RBFOX1: variants seen among roughly 807,000 people sequenced by gnomAD.
RBFOX1 encodes RNA binding protein fox-1 homolog 1.
In RBFOX1, 8 loss-of-function variants were observed where a neutral mutation model predicts 57.7. The observed-to-expected ratio is 0.14, with a 90% CI of 0.08 to 0.25. RBFOX1 has a LOEUF of 0.25. Ranked by LOEUF, RBFOX1 falls within the 10% of genes least tolerant of loss-of-function variation. The pLI, the probability that RBFOX1 is intolerant of heterozygous loss-of-function variation, is 1.00. For synonymous variants in RBFOX1, 326 were observed against 222.4 expected (o/e 1.47, Z -4.15); for missense variants, 611 against 548.5 (o/e 1.11, Z -1.14).
At chr16:6,589,534 A>G (rs1485252653) in intron 2 of RBFOX1, among the ~76,000 whole-genome samples, 1 of 152,208 alleles carries the variant, frequency 6.6e-6, no homozygotes, top group Non-Finnish European at 1.5e-5. Context: ...TCAAGTGCAG[A>G]GTCTGCAAAA....
chr16:6,100,155 G>T (rs556711088), intron 1 of RBFOX1, among the ~76,000 whole-genome samples: 117 of 150,244 alleles, frequency 7.8e-4, no homozygotes, highest in African/African-American at 2.7e-3. Flanking sequence ...TTTTGTTGTT[G>T]TTTTTTTTTG....
chr16:6,793,960 G>A (rs187563114), intron 3 of RBFOX1, among the ~76,000 whole-genome samples: 116 of 152,238 alleles, frequency 7.6e-4, no homozygotes, highest in Admixed American at 2.0e-3. Context: ...CAAGAGGGTG[G>A]TAATACAGCA....
At chr16:6,130,485 G>A (rs2096621951) in intron 1 of RBFOX1, among the ~76,000 whole-genome samples, 1 of 152,110 alleles carries the variant, frequency 6.6e-6, no homozygotes, top group Non-Finnish European at 1.5e-5. Flanking sequence ...TGAAACATAT[G>A]GATGTGAAAA....
chr16:6,922,661 G>A (rs920121622), intron 3 of RBFOX1, among the ~76,000 whole-genome samples: 1 of 149,644 alleles, frequency 6.7e-6, no homozygotes, highest in Non-Finnish European at 1.5e-5. Context: ...GCCAGGTGAG[G>A]GTGGAGTAAA....
At chr16:6,818,763 G>C (rs1439336498) in intron 3 of RBFOX1, among the ~76,000 whole-genome samples, 2 of 152,172 alleles carry the variant, frequency 1.3e-5, no homozygotes, top group African/African-American at 4.8e-5. Flanking sequence ...ACAAGGGGGA[G>C]TGTGATCGAG....
chr16:6,999,612 G>A (rs1237187962), intron 3 of RBFOX1, among the ~76,000 whole-genome samples: 2 of 151,934 alleles, frequency 1.3e-5, no homozygotes, highest in East Asian at 3.9e-4. Flanking sequence ...CTACCAATAT[G>A]TGGCCAAACT....
At chr16:6,892,767 CCTGTCTCCCT>C (rs1312870909) in intron 3 of RBFOX1, among the ~76,000 whole-genome samples, 1 of 89,136 alleles carries the variant, frequency 1.1e-5, no homozygotes, top group South Asian at 4.8e-4. Context: ...TCAAAGCCTC[CCTGTCTCCCT>C]CTCTCTCTCT....
At chr16:7,504,947 T>C (rs2072724339) in intron 4 of RBFOX1, among the ~76,000 whole-genome samples, 1 of 149,470 alleles carries the variant, frequency 6.7e-6, no homozygotes, top group African/African-American at 2.5e-5. Context: ...GGTGAAGCCC[T>C]ACGCAGCATG....
At chr16:6,590,302 G>A (rs575116941) in intron 2 of RBFOX1, among the ~76,000 whole-genome samples, 5 of 152,232 alleles carry the variant, frequency 3.3e-5, no homozygotes, top group African/African-American at 1.2e-4. Context: ...AAAGTCCTTA[G>A]CCAAATGGCC....
intron 4 of RBFOX1, among the ~76,000 whole-genome samples, chr16:7,130,674 A>G (rs778284618): frequency 3.5e-4 from 54 of 152,228 alleles, no homozygotes; most frequent in Non-Finnish European, 6.3e-4. Flanking sequence ...CTTGATAAAT[A>G]TAAGACTATA....
chr16:7,181,241 G>T (rs530391102), intron 4 of RBFOX1, among the ~76,000 whole-genome samples: 1 of 152,080 alleles, frequency 6.6e-6, no homozygotes, highest in Admixed American at 6.6e-5. Flanking sequence ...GCTATGCCCC[G>T]ATGAGCATGG....
chr16:6,377,788 A>G (rs1052979177), intron 2 of RBFOX1, among the ~76,000 whole-genome samples: 3 of 152,244 alleles, frequency 2.0e-5, no homozygotes, highest in African/African-American at 7.2e-5. Context: ...AATTTTAGAT[A>G]GAGGCGGTAA....
chr16:5,289,898 T>C (rs2063492489), intron 1 of RBFOX1, among the ~76,000 whole-genome samples: 1 of 152,240 alleles, frequency 6.6e-6, no homozygotes, highest in Non-Finnish European at 1.5e-5. Flanking sequence ...TGAAAATATA[T>C]GTCCATGCAG....
intron 4 of RBFOX1, among the ~76,000 whole-genome samples, chr16:7,392,400 C>T (rs2098047457): frequency 6.6e-6 from 1 of 152,124 alleles, no homozygotes. Context: ...TGAGGAAATG[C>T]CTTGGTCATC....
chr16:5,508,702 A>G (rs1050440270), intron 2 of RBFOX1, among the ~76,000 whole-genome samples: 2 of 152,156 alleles, frequency 1.3e-5, no homozygotes, highest in Middle Eastern at 3.2e-3. Flanking sequence ...GATTGCACAG[A>G]GTGCCATACC....
At chr16:6,116,436 G>A (rs1488852177) in intron 1 of RBFOX1, among the ~76,000 whole-genome samples, 1 of 152,120 alleles carries the variant, frequency 6.6e-6, no homozygotes. Flanking sequence ...TTAAAAAGCT[G>A]TTAATCAAAG....
At chr16:5,835,864 C>G (rs533141503) in intron 3 of RBFOX1, among the ~76,000 whole-genome samples, 2 of 152,174 alleles carry the variant, frequency 1.3e-5, no homozygotes, top group Non-Finnish European at 2.9e-5. Flanking sequence ...GCCTCCCATC[C>G]CTCCCAGAGC....
intron 2 of RBFOX1, among the ~76,000 whole-genome samples, chr16:6,345,508 T>C (rs2085242696): frequency 6.6e-6 from 1 of 152,156 alleles, no homozygotes. Context: ...CAGCCCTGTT[T>C]TAGCGAGTCC....
chr16:6,889,341 G>C (rs962025210), intron 3 of RBFOX1, among the ~76,000 whole-genome samples: 1 of 152,186 alleles, frequency 6.6e-6, no homozygotes, highest in Non-Finnish European at 1.5e-5. Flanking sequence ...TTACGAGTAT[G>C]CATGTGCCTC....
Sources: gnomAD v4.1 joint callset for allele counts (sites outside exome capture counted in the v4.1 genomes callset) on GRCh38, gnomAD v4.1.1 for gene constraint, MANE v1.5 for transcripts, NCBI Gene and HGNC (gene_info 2026-07-23, HGNC 2026-07-21) for gene names.